Variants in CD2AP observed in about 807,000 individuals in gnomAD.
CD2AP encodes the protein CD2 associated protein.
In CD2AP, 46 loss-of-function variants were observed where a neutral mutation model predicts 85.1. The ratio of observed to expected loss-of-function variants is 0.54; its 90% CI spans 0.43 to 0.69. The LOEUF (loss-of-function observed/expected upper bound fraction) is 0.69. CD2AP is among the 30% of genes least tolerant of loss of function. The pLI, the probability that CD2AP is intolerant of heterozygous loss-of-function variation, is 0.00. For synonymous variants in CD2AP, 255 were observed against 252.9 expected (o/e 1.01, Z -0.08); for missense variants, 769 against 729.5 (o/e 1.05, Z -0.62).
chr6:47,479,951 C>T (rs1355769746), intron 1 of CD2AP, among the ~76,000 whole-genome samples: 1 of 151,808 alleles, frequency 6.6e-6, no homozygotes, highest in African/African-American at 2.4e-5. Context: ...GGGGAAAAAT[C>T]AGTAGGCCGT....
Position 47,549,519 on chromosome 6 carries a change from G to C in CD2AP, c.420+4813G>C, listed in dbSNP as rs1040083407. Among the ~76,000 whole-genome samples the C allele has an allele frequency of 5.2e-5, 7 of 134,136 alleles. No homozygotes were observed. The East Asian group carries it at 1.5e-3, about 29-fold the overall frequency. The allele number at this position is 134,136 out of a possible 152,430, so 88.0% of individuals were successfully genotyped here. ...AATATACCTAACCAAGGAGTCAAAA[G>C]ACCTCAACAAGAAAAACTACAAAAA... On this transcript the variant is annotated intron_variant, in intron 4 of 17. Transcript: ENST00000359314.
chr6:47,522,570 CCTT>C (rs1766624468), intron 2 of CD2AP, among the ~76,000 whole-genome samples: 1 of 151,956 alleles, frequency 6.6e-6, no homozygotes, highest in Non-Finnish European at 1.5e-5. Context: ...AGTTTCTTGA[CCTT>C]GATATAAAGT....
intron 2 of CD2AP, among the ~76,000 whole-genome samples, chr6:47,516,353 T>A (rs372340501): frequency 4.6e-5 from 7 of 152,348 alleles, no homozygotes; most frequent in African/African-American, 1.7e-4. Context: ...CACGTTCCAG[T>A]TTTAAATGCT....
chr6:47,480,451 G>T (rs958052276), intron 1 of CD2AP, among the ~76,000 whole-genome samples: 1 of 152,112 alleles, frequency 6.6e-6, no homozygotes, highest in Non-Finnish European at 1.5e-5. Flanking sequence ...CTATTAAATG[G>T]TGGTTCTTAA....
At chr6:47,511,933 C>T (rs1222724602) in intron 2 of CD2AP, among the ~76,000 whole-genome samples, 7 of 151,844 alleles carry the variant, frequency 4.6e-5, no homozygotes, top group South Asian at 4.2e-4. Flanking sequence ...CCGAGGTGGG[C>T]GGATCACGAG....
At chr6:47,540,459 G>A (rs1767184993) in intron 3 of CD2AP, among the ~76,000 whole-genome samples, 1 of 152,030 alleles carries the variant, frequency 6.6e-6, no homozygotes, top group African/African-American at 2.4e-5. Flanking sequence ...ATGAAATAAT[G>A]TGGAATTATT....
At chr6:47,573,573 C>G (rs2114095379) in intron 5 of CD2AP, among the ~76,000 whole-genome samples, 1 of 148,644 alleles carries the variant, frequency 6.7e-6, no homozygotes, top group South Asian at 2.1e-4. Flanking sequence ...ACTGCAAGCT[C>G]CACCTCCCAG....
chr6:47,540,768 C>A (rs191159955), intron 3 of CD2AP, among the ~76,000 whole-genome samples: 12 of 152,190 alleles, frequency 7.9e-5, no homozygotes, highest in African/African-American at 2.6e-4. Flanking sequence ...GAAAAAGAAA[C>A]CACATTTTAA....
At chr6:47,566,479 T>TTTG (rs533378729) in intron 5 of CD2AP, among the ~76,000 whole-genome samples, 92 of 151,896 alleles carry the variant, frequency 6.1e-4, no homozygotes, top group Non-Finnish European at 1.1e-3. Flanking sequence ...CTCTTGAGTT[T>TTTG]TTGTTGTTGT....
At chr6:47,489,428 G>A (rs1294786326) in intron 1 of CD2AP, among the ~76,000 whole-genome samples, 27 of 151,828 alleles carry the variant, frequency 1.8e-4, no homozygotes, top group African/African-American at 2.4e-5. Context: ...TGCCCGCCTC[G>A]GCCTCCCAAA....
chr6:47,511,668 A>G (rs1160502986), intron 2 of CD2AP, among the ~76,000 whole-genome samples: 2 of 152,208 alleles, frequency 1.3e-5, no homozygotes, highest in African/African-American at 4.8e-5. Context: ...TTTAAAAAAA[A>G]TTACCCTTAG....
chr6:47,573,879 A>C (rs1251759322), intron 5 of CD2AP, among the ~76,000 whole-genome samples, 185 bp from the exon 6 acceptor site: 1 of 152,168 alleles, frequency 6.6e-6, no homozygotes, highest in Non-Finnish European at 1.5e-5. Flanking sequence ...CGTTTTGCAC[A>C]ATAAAAAAGT....
chr6:47,552,636 C>G (rs1310519850), intron 4 of CD2AP, among the ~76,000 whole-genome samples: 1 of 152,100 alleles, frequency 6.6e-6, no homozygotes, highest in Non-Finnish European at 1.5e-5. Context: ...TTTTTTACCA[C>G]TGTACTACTC....
At chr6:47,607,566 G>T (rs1001397235) in intron 14 of CD2AP, among the ~76,000 whole-genome samples, 2 of 152,076 alleles carry the variant, frequency 1.3e-5, no homozygotes, top group African/African-American at 4.8e-5. Flanking sequence ...AATATTCATT[G>T]TTTTTGTAGT....
At chr6:47,482,492 C>T (rs1226843049) in intron 1 of CD2AP, among the ~76,000 whole-genome samples, 1 of 151,544 alleles carries the variant, frequency 6.6e-6, no homozygotes, top group African/African-American at 2.4e-5. Context: ...AAGTCTCCTG[C>T]CTCAGCTTCC....
chr6:47,520,163 A>G (rs561068271), intron 2 of CD2AP, among the ~76,000 whole-genome samples: 4 of 151,950 alleles, frequency 2.6e-5, no homozygotes, highest in Non-Finnish European at 5.9e-5. Context: ...TAAATTGACT[A>G]TGGAAAGTTA....
intron 17 of CD2AP, among the ~76,000 whole-genome samples, chr6:47,617,991 T>G (rs569097439): frequency 6.6e-6 from 1 of 152,308 alleles, no homozygotes; most frequent in African/African-American, 2.4e-5. Flanking sequence ...AACAATTACC[T>G]TCATTAAATT....
intron 11 of CD2AP, among the ~76,000 whole-genome samples, chr6:47,584,477 G>A (rs1445033951): frequency 2.7e-5 from 4 of 149,140 alleles, no homozygotes; most frequent in Non-Finnish European, 4.4e-5. Context: ...TTGTTGAAAA[G>A]ACTTTCAGTT....
At chr6:47,529,599 T>C (rs1356182573) in intron 2 of CD2AP, among the ~76,000 whole-genome samples, 1 of 152,238 alleles carries the variant, frequency 6.6e-6, no homozygotes, top group African/African-American at 2.4e-5. Flanking sequence ...AATGTATGTA[T>C]AGCTCACATT....
Sources: gnomAD v4.1 joint callset for allele counts (sites outside exome capture counted in the v4.1 genomes callset) on GRCh38, gnomAD v4.1.1 for gene constraint, MANE v1.5 for transcripts, NCBI Gene and HGNC (gene_info 2026-07-23, HGNC 2026-07-21) for gene names.